The following LRP8 variants were observed in gnomAD, a reference collection of about 807,000 sequenced individuals.
LRP8 encodes LDL receptor related protein 8, also known as low-density lipoprotein receptor-related protein 8.
LRP8 carries 46 observed loss-of-function variants against 111.6 expected under a neutral mutation model. The observed-to-expected ratio is 0.41, with a 90% CI of 0.33 to 0.53. The LOEUF (loss-of-function observed/expected upper bound fraction) is 0.53, where lower values mean the gene tolerates loss of function less well. Among genes scored for constraint, LRP8 ranks in the 20% least tolerant of loss-of-function variants. The pLI, the probability that LRP8 is intolerant of heterozygous loss-of-function variation, is 0.20. For synonymous variants in LRP8, 464 were observed against 511.2 expected (o/e 0.91, Z 1.24); for missense variants, 959 against 1,297.4 (o/e 0.74, Z 4.01).
At chr1:53,295,595 A>G (rs1649559901) in intron 2 of LRP8, among the ~76,000 whole-genome samples, 1 of 152,060 alleles carries the variant, frequency 6.6e-6, no homozygotes, top group South Asian at 2.1e-4. Flanking sequence ...ATCGGCCCTT[A>G]GCAGAGGAGG....
rs1316413216 is a variant in LRP8 at position 53,293,662 on chromosome 1, G to T, written c.245-3973C>A. ...TCAAATGTACTGAAACATCTCTCAG[G>T]TCTCCTGGAATGTGCCCAGAAGTGT... On this transcript the variant is annotated intron_variant, in intron 2 of 18. Transcript: ENST00000306052. The surrounding 1 kb of genome is among the most constrained non-coding windows in gnomAD (Gnocchi z 4.9). Among the ~76,000 whole-genome samples the T allele has an allele frequency of 6.6e-6, 1 of 152,184 alleles. No homozygotes were observed. Among genetic ancestry groups the T allele is most frequent in the Non-Finnish European group, 1.5e-5 (1 of 68,032 alleles).
chr1:53,260,410 A>G, intron 13 of LRP8, 54 bp downstream of exon 13: 1 of 1,579,656 alleles, frequency 6.3e-7, no homozygotes, highest in Non-Finnish European at 8.7e-7. Flanking sequence ...GTGAAAGGAG[A>G]GGACACAGTG....
At chr1:53,321,625 G>A (rs993288664) in intron 2 of LRP8, among the ~76,000 whole-genome samples, 3 of 152,066 alleles carry the variant, frequency 2.0e-5, no homozygotes, top group Admixed American at 1.3e-4. Flanking sequence ...TTGTCAAGTC[G>A]GCCACCAGCA....
In LRP8 at chr1:53,262,612, G is replaced by A. The variant is rs749877149; in HGVS notation, c.1656-48C>T. On this transcript the variant is annotated intron_variant, in intron 10 of 18. Transcript: ENST00000306052. The surrounding 1 kb of genome is among the most constrained non-coding windows in gnomAD (Gnocchi z 4.8). ...TTGCCTTCTTGCTGGGGACATGACC[G>A]GGGTGGTCTGAGTCACAAGAGCTCA... 7.4e-6 allele frequency: 11 copies of A among 1,486,596 alleles called. No individual in the cohort carries two copies. The highest frequency in any genetic ancestry group is 3.3e-5 in the Admixed American group (2 of 59,768). 92.1% of individuals were successfully genotyped at this position (1,486,596 alleles called of 1,614,324 possible).
At position 53,279,324 on chromosome 1, in the gene LRP8, A is replaced by T. The variant is rs6698933; in HGVS notation, c.496+1263T>A. Reference sequence around the variant, plus strand: ...CTGACACCTCTCTCTCCCATAATTAATGGGGAATGTTCCTATTCCAACATG... The same window carrying T: ...CTGACACCTCTCTCTCCCATAATTATTGGGGAATGTTCCTATTCCAACATG... On this transcript the variant is annotated intron_variant, in intron 4 of 18. Transcript: ENST00000306052. The surrounding 1 kb of genome is among the most constrained non-coding windows in gnomAD (Gnocchi z 4.4). Among the ~76,000 whole-genome samples the T allele has an allele frequency of 0.16, 23,845 of 152,078 alleles. 2,393 individuals carry two copies. The highest frequency in any genetic ancestry group is 0.28 in the African/African-American group (11,588 of 41,456).
intron 15 of LRP8, 34 bp downstream of exon 15, chr1:53,257,206 A>G (rs760413123): frequency 4.4e-6 from 7 of 1,605,216 alleles, no homozygotes; most frequent in African/African-American, 1.3e-5. Flanking sequence ...GAGCCCTCCC[A>G]TGTCATGAAA....
Position 53,245,650 on chromosome 1 carries a change from TA to T in LRP8, c.*1367del, listed in dbSNP as rs756506797. 1 of 152,582 alleles carries T rather than the reference TA, an allele frequency of 6.6e-6. No homozygotes were observed. Among genetic ancestry groups the T allele is most frequent in the Non-Finnish European group, 1.5e-5 (1 of 68,042 alleles). 9.5% of individuals were successfully genotyped at this position (152,582 alleles called of 1,614,324 possible). ...TGCGTATGCCATTTCCCCCCTCAAA[TA>T]TGACTTCAATTTTGGCCAGTTGTTC... On this transcript the variant is annotated 3_prime_UTR_variant, in exon 19 of 19. Transcript: ENST00000306052.
At chr1:53,276,559 C>T (rs1232976068) in intron 5 of LRP8, 133 bp downstream of exon 5, 4 of 641,338 alleles carry the variant, frequency 6.2e-6, no homozygotes, top group African/African-American at 4.0e-5. Context: ...CTCCCAGCCT[C>T]GGTCTCCTCT....
chr1:53,303,826 G>T lies in LRP8; in HGVS notation c.245-14137C>A, dbSNP rs1376791528. On this transcript the variant is annotated intron_variant, in intron 2 of 18. Transcript: ENST00000306052. This position sits in a 1 kb window ranked among gnomAD's most constrained non-coding sequence, Gnocchi z 4.3. ...CCATTCGCCCTCTTGAATGCTCTCA[G>T]CGACAGGGGACTCAGTCAGCCGTGC... 1.3e-5 allele frequency among the ~76,000 whole-genome samples: 2 copies of T among 152,234 alleles called. No individual in the cohort carries two copies. The highest frequency in any genetic ancestry group is 2.9e-5 in the Non-Finnish European group (2 of 68,052).
intron 2 of LRP8, among the ~76,000 whole-genome samples, chr1:53,324,126 G>A (rs147158628): frequency 5.1e-4 from 78 of 152,326 alleles, no homozygotes; most frequent in Admixed American, 1.0e-3. Context: ...GTGGTCAGGG[G>A]TAAGGCACGG....
chr1:53,324,832 G>A (rs898817935), intron 2 of LRP8, among the ~76,000 whole-genome samples: 6 of 152,070 alleles, frequency 3.9e-5, no homozygotes, highest in Non-Finnish European at 8.8e-5. Context: ...GGTGCTTTCC[G>A]CACCACACTC....
intron 2 of LRP8, 38 bp from the exon 3 acceptor site, chr1:53,289,727 C>A: frequency 6.2e-7 from 1 of 1,609,986 alleles, no homozygotes. Flanking sequence ...AGCCTGGGAG[C>A]AGTCAGGAGG....
At chr1:53,300,308 G>C (rs1650567614) in intron 2 of LRP8, among the ~76,000 whole-genome samples, 1 of 152,182 alleles carries the variant, frequency 6.6e-6, no homozygotes, top group South Asian at 2.1e-4. Context: ...TCCCACCCCT[G>C]ATGGCCAGCT....
intron 4 of LRP8, among the ~76,000 whole-genome samples, chr1:53,277,882 C>T (rs1646979093): frequency 6.6e-6 from 1 of 152,214 alleles, no homozygotes; most frequent in Non-Finnish European, 1.5e-5. Context: ...CTCCTTTGTC[C>T]TGAGGGCCTG....
chr1:53,290,068 C>T (rs1016219071), intron 2 of LRP8, among the ~76,000 whole-genome samples: 3 of 151,732 alleles, frequency 2.0e-5, no homozygotes, highest in African/African-American at 7.3e-5. Flanking sequence ...GTCCCACTTT[C>T]CCCAACTGGA....
intron 16 of LRP8, among the ~76,000 whole-genome samples, chr1:53,254,477 T>G (rs756165779): frequency 7.9e-5 from 12 of 152,152 alleles, no homozygotes; most frequent in Non-Finnish European, 1.5e-4. Context: ...GTTAAGTGTT[T>G]CCTCAGCACT....
rs1399263399 is a variant in LRP8 at position 53,277,067 on chromosome 1, G to A, written c.508C>T (p.His170Tyr). 3 of 1,522,126 alleles carry A rather than the reference G, an allele frequency of 2.0e-6. No homozygotes were observed. The Admixed American group carries it at 5.9e-5, about 30-fold the overall frequency. 94.3% of individuals were successfully genotyped at this position (1,522,126 alleles called of 1,614,324 possible). Residue 170 changes from histidine (H) to tyrosine (Y), a missense_variant, in exon 5 of 19, where the codon CAC becomes TAC. By Grantham distance (83) the His-to-Tyr change is moderately conservative. Coordinates refer to ENST00000306052, the MANE Select transcript of LRP8 (RefSeq NM_004631.5). ...GAGCGGTTGCCGCACTGGAACTCGT[G>A]CGGGGCGCACACTGCGCGGGACAGA... Reference protein sequence around the residue: ...EAGCATLCAPHEFQCGNRSCL... With the variant: ...EAGCATLCAPYEFQCGNRSCL...
chr1:53,287,076 A>G (rs1263153604), intron 3 of LRP8, among the ~76,000 whole-genome samples: 2 of 152,230 alleles, frequency 1.3e-5, no homozygotes, highest in African/African-American at 2.4e-5. Flanking sequence ...ACTGCCTATA[A>G]TCTTTCTTTT....
rs185276861 is a variant in LRP8 at position 53,285,027 on chromosome 1, A to T, written c.368-4312T>A. 1.1e-4 allele frequency among the ~76,000 whole-genome samples: 17 copies of T among 152,300 alleles called. No individual in the cohort carries two copies. The East Asian group carries it at 2.7e-3, about 24-fold the overall frequency. On this transcript the variant is annotated intron_variant, in intron 3 of 18. Transcript: ENST00000306052. ...ACTTGAGCCTGGCTCGCAGGGTCCC[A>T]GGTCAGGCCTCTCTACTCCACAGTC...
Sources: allele counts gnomAD v4.1 joint callset (sites outside exome capture counted in the v4.1 genomes callset), GRCh38; gene constraint gnomAD v4.1.1; non-coding constraint Gnocchi (gnomAD v3.1); transcripts MANE v1.5; gene names NCBI Gene and HGNC (gene_info 2026-07-23, HGNC 2026-07-21).